The following SRPX variants were observed in gnomAD, a reference collection of about 807,000 sequenced individuals.
The protein encoded by SRPX is sushi repeat containing protein X-linked, also known as sushi repeat-containing protein SRPX.
SRPX carries 24 observed loss-of-function variants against 38.1 expected under a neutral mutation model. The ratio of observed to expected loss-of-function variants is 0.63; its 90% CI spans 0.46 to 0.89. The LOEUF is 0.89. Among genes scored for constraint, SRPX ranks in the 40% least tolerant of loss-of-function variants. The pLI is 0.00. For synonymous variants in SRPX, 184 were observed against 153.8 expected, an observed-to-expected ratio of 1.20 and a Z score of -1.45; for missense variants, 416 against 377.8, an observed-to-expected ratio of 1.10 and a Z score of -0.84.
intron 1 of SRPX, among the ~76,000 whole-genome samples, chrX:38,184,146 C>T (rs1339774522): frequency 9.0e-6 from 1 of 111,269 alleles, no homozygotes; most frequent in Non-Finnish European, 1.9e-5. Context: ...CCTGCTATCA[C>T]GCCATAAGGT....
chrX:38,164,991 T>C, intron 4 of SRPX, 96 bp from the exon 5 acceptor site: 1 of 799,064 alleles, frequency 1.3e-6, no homozygotes, highest in South Asian at 2.6e-5. Context: ...AGCCTCTGGG[T>C]ATTCTCCATT....
intron 3 of SRPX, 119 bp downstream of exon 3, chrX:38,174,041 C>A: frequency 9.5e-6 from 5 of 527,451 alleles, no homozygotes; most frequent in Non-Finnish European, 1.4e-5. Context: ...CCCCTGGTGT[C>A]CCCCTGATCA....
At chrX:38,190,255 A>G (rs956207068) in intron 1 of SRPX, among the ~76,000 whole-genome samples, 3 of 112,229 alleles carry the variant, frequency 2.7e-5, no homozygotes, top group Admixed American at 1.9e-4. Flanking sequence ...GCAGAGAGAG[A>G]CAGAGAGAAG....
At chrX:38,170,895 T>TTGTTTG (rs1938453501) in intron 4 of SRPX, among the ~76,000 whole-genome samples, 1 of 111,820 alleles carries the variant, frequency 8.9e-6, no homozygotes, top group African/African-American at 3.3e-5. Flanking sequence ...TCTTTTTGGT[T>TTGTTTG]TGTTTTGAAG....
chrX:38,185,107 G>T (rs1028730073), intron 1 of SRPX, among the ~76,000 whole-genome samples: 9 of 111,946 alleles, frequency 8.0e-5, no homozygotes, highest in African/African-American at 1.9e-4. Flanking sequence ...TCTATAAATT[G>T]CTCAGGGGTG....
At chrX:38,181,342 G>A (rs1358191962) in intron 1 of SRPX, among the ~76,000 whole-genome samples, 2 of 112,494 alleles carry the variant, frequency 1.8e-5, no homozygotes, top group Non-Finnish European at 3.8e-5. Flanking sequence ...AAGAAAGCCT[G>A]GCATTGGGTT....
At chrX:38,157,834 A>G (rs1938161549) in intron 7 of SRPX, among the ~76,000 whole-genome samples, 1 of 112,057 alleles carries the variant, frequency 8.9e-6, no homozygotes, top group African/African-American at 3.2e-5. Context: ...GATGATATAC[A>G]ACATACCTCC....
intron 1 of SRPX, among the ~76,000 whole-genome samples, chrX:38,182,166 C>G (rs779270662): frequency 8.0e-5 from 9 of 111,814 alleles, no homozygotes; most frequent in Non-Finnish European, 1.5e-4. Context: ...TTAGGGAAAC[C>G]AAGTCTCTAA....
intron 1 of SRPX, among the ~76,000 whole-genome samples, chrX:38,191,733 T>G (rs1938908720): frequency 9.0e-6 from 1 of 111,722 alleles, no homozygotes. Context: ...AGTTTTGGAG[T>G]TGATGGCATA....
intron 1 of SRPX, among the ~76,000 whole-genome samples, chrX:38,196,873 T>A (rs1317821911): frequency 8.9e-6 from 1 of 112,268 alleles, no homozygotes; most frequent in Non-Finnish European, 1.9e-5. Flanking sequence ...CTCCTGCCTT[T>A]TTTTTGGCTA....
chrX:38,196,295 A>G (rs1938999070), intron 1 of SRPX, among the ~76,000 whole-genome samples: 1 of 112,542 alleles, frequency 8.9e-6, no homozygotes, highest in African/African-American at 3.2e-5. Context: ...AATTGTATTC[A>G]CAGAAAGCAA....
chrX:38,160,903 G>A (rs749237200), intron 6 of SRPX, 30 bp downstream of exon 6: 1 of 1,200,380 alleles, frequency 8.3e-7, no homozygotes. Context: ...AAAGAGAGGG[G>A]GAAACAAAAC....
In SRPX at chrX:38,178,336, C is replaced by G. The variant is rs994998501; in HGVS notation, c.106G>C (p.Asp36His). 5.8e-6 allele frequency: 7 copies of G among 1,206,243 alleles called. No individual in the cohort carries two copies. In the African/African-American group the frequency reaches 8.8e-5, roughly 15 times the overall value. The change falls in exon 2 of 10, where the codon GAC becomes CAC. Residue 36 changes from aspartate (D) to histidine (H), a missense_variant. Physicochemically the swap from Asp to His is moderately conservative, Grantham distance 81. Coordinates refer to ENST00000378533, the MANE Select transcript of SRPX (RefSeq NM_006307.5). ...ACTTCATCGTCTTCTAGTGGTGAGT[C>G]TCCCGATCCTACAATAAAAAAGAAC... is the stretch of plus-strand genomic sequence containing the variant. Reference protein sequence around the residue: ...PPSRSFPGSGDSPLEDDEVGY... With the variant: ...PPSRSFPGSGHSPLEDDEVGY...
At chrX:38,184,624 AG>A (rs761856065) in intron 1 of SRPX, among the ~76,000 whole-genome samples, 1 of 111,496 alleles carries the variant, frequency 9.0e-6, no homozygotes, top group African/African-American at 3.3e-5. Flanking sequence ...TGCTTTTTCT[AG>A]GGGAAAAAGA....
chrX:38,174,210 A>G lies in SRPX; in HGVS notation c.299T>C (p.Leu100Pro). The G allele has an allele frequency of 2.6e-6, 3 of 1,138,875 alleles. No homozygotes were observed. The highest frequency in any genetic ancestry group is 3.5e-6 in the Non-Finnish European group (3 of 861,848). The allele number at this position is 1,138,875 out of a possible 1,213,427, so 93.9% of individuals were successfully genotyped here. Residue 100 changes from leucine (L) to proline (P), a missense_variant, in exon 3 of 10, where the codon CTA (leucine) becomes CCA (proline). Leu to Pro is a moderately conservative substitution (Grantham distance 98, BLOSUM62 -3). Transcript: ENST00000378533. ...TCGTTTGTTTGACTGGCAGATCAGT[A>G]GGGAAGAGCCATGCAGCTCGTAGCC... is the stretch of plus-strand genomic sequence containing the variant. ...QKGYELHGSS[L>P]LICQSNKRWS...
At chrX:38,156,849 C>T in intron 8 of SRPX, 47 bp downstream of exon 8, 1 of 1,181,770 alleles carries the variant, frequency 8.5e-7, no homozygotes, top group Non-Finnish European at 1.1e-6. Flanking sequence ...CTGGGCCCTT[C>T]CTGTTAAAGG....
At chrX:38,219,580 A>T (rs138771093) in intron 1 of SRPX, among the ~76,000 whole-genome samples, 1 of 98,193 alleles carries the variant, frequency 1.0e-5, no homozygotes, top group Non-Finnish European at 2.1e-5. Context: ...TTAATTTACA[A>T]ATTTGTTCTA....
At chrX:38,196,284 G>A (rs925277117) in intron 1 of SRPX, among the ~76,000 whole-genome samples, 1 of 112,208 alleles carries the variant, frequency 8.9e-6, no homozygotes, top group Non-Finnish European at 1.9e-5. Flanking sequence ...ACTGATTTAT[G>A]AATTGTATTC....
intron 1 of SRPX, among the ~76,000 whole-genome samples, chrX:38,206,098 G>C (rs928236197): frequency 3.5e-5 from 4 of 113,002 alleles, no homozygotes; most frequent in African/African-American, 1.3e-4. Flanking sequence ...GGTAGCTTTG[G>C]CTTTTGTCCA....
Sources: allele counts gnomAD v4.1 joint callset (sites outside exome capture counted in the v4.1 genomes callset), GRCh38; gene constraint gnomAD v4.1.1; transcripts MANE v1.5; gene names NCBI Gene and HGNC (gene_info 2026-07-23, HGNC 2026-07-21).